Variants in ATXN8OS observed in about 807,000 individuals in gnomAD.
ATXN8OS encodes ATXN8 opposite strand lncRNA.
chr13:70,156,081 C>G (rs746298301), intron 4 of ATXN8OS, among the ~76,000 whole-genome samples: 20 of 151,908 alleles, frequency 1.3e-4, no homozygotes, highest in Non-Finnish European at 2.8e-4. Flanking sequence ...ACTTTATGAA[C>G]AGAAAGAAAT....
chr13:70,153,023 T>TGC (rs1888891059), intron 4 of ATXN8OS, among the ~76,000 whole-genome samples: 1 of 125,774 alleles, frequency 8.0e-6, no homozygotes, highest in African/African-American at 2.7e-5. Context: ...ACTGTGTGTG[T>TGC]GTGTGTGTGT....
intron 3 of ATXN8OS, among the ~76,000 whole-genome samples, chr13:70,136,954 C>T (rs1025673173): frequency 7.9e-5 from 12 of 152,024 alleles, no homozygotes; most frequent in Admixed American, 1.3e-4. Context: ...TGTTTAGTTG[C>T]GATACTGGCC....
intron 3 of ATXN8OS, among the ~76,000 whole-genome samples, chr13:70,145,764 G>A (rs1194007817): frequency 1.3e-5 from 2 of 151,934 alleles, no homozygotes; most frequent in Non-Finnish European, 2.9e-5. Flanking sequence ...GAGACAATGG[G>A]GTTTTCTAGA....
chr13:70,162,153 A>G (rs1167128660), intron 4 of ATXN8OS, among the ~76,000 whole-genome samples: 2 of 152,072 alleles, frequency 1.3e-5, no homozygotes, highest in African/African-American at 2.4e-5. Context: ...ATAACCTCTA[A>G]TAAGTACATA....
chr13:70,160,557 C>G (rs1028674476), intron 4 of ATXN8OS, among the ~76,000 whole-genome samples: 3 of 150,950 alleles, frequency 2.0e-5, no homozygotes, highest in Non-Finnish European at 4.4e-5. Context: ...AATAAATTGT[C>G]ATATTTTCAA....
At chr13:70,162,395 G>A (rs1889020158) in intron 4 of ATXN8OS, among the ~76,000 whole-genome samples, 1 of 152,124 alleles carries the variant, frequency 6.6e-6, no homozygotes, top group Admixed American at 6.6e-5. Flanking sequence ...CAGGCAGCCT[G>A]AACCAATCCC....
chr13:70,107,725 T>A (rs1888109041), upstream of ATXN8OS: 1 of 1,497,372 alleles, frequency 6.7e-7, no homozygotes, highest in Admixed American at 2.3e-5. Context: ...GGCAAAAGGC[T>A]GGCAGCTCAC....
intron 2 of ATXN8OS, among the ~76,000 whole-genome samples, chr13:70,123,982 T>C (rs1316805096): frequency 6.6e-6 from 1 of 152,122 alleles, no homozygotes; most frequent in East Asian, 1.9e-4. Flanking sequence ...CAAACAGGAT[T>C]GAATTTATTT....
intron 3 of ATXN8OS, among the ~76,000 whole-genome samples, chr13:70,143,427 CCTTATTATAAACCGATTTCT>C (rs1285444591): frequency 1.4e-4 from 22 of 152,142 alleles, no homozygotes; most frequent in African/African-American, 4.3e-4. Context: ...TAAATTAGTT[CCTTATTATAAACCGATTTCT>C]CTACCTCTGC....
At position 70,108,550 on chromosome 13, in the gene ATXN8OS, G is replaced by A. The variant is rs1000659867; in HGVS notation, n.240+531G>A. On this transcript the variant is annotated intron_variant and non_coding_transcript_variant, in intron 1 of 4. Transcript: ENST00000678624. ...AGATGGAGGGAGGGAGGGAGGGAGG[G>A]AAGGCTTCAATCTTCTTTATGCAAG... 3.3e-5 allele frequency: 5 copies of A among 149,736 alleles called. No homozygotes were observed. The South Asian group carries it at 1.1e-3, about 33-fold the overall frequency. 9.3% of individuals were successfully genotyped at this position (149,736 alleles called of 1,614,324 possible).
At chr13:70,130,091 T>A (rs1335702452) in intron 3 of ATXN8OS, among the ~76,000 whole-genome samples, 4 of 152,200 alleles carry the variant, frequency 2.6e-5, no homozygotes, top group Admixed American at 2.6e-4. Flanking sequence ...ATCTACTTGA[T>A]ATCTAAGCTT....
At chr13:70,129,846 T>C (rs934628874) in exon 3 of ATXN8OS, 7 of 398,282 alleles carry the variant, frequency 1.8e-5, no homozygotes, top group Non-Finnish European at 2.2e-5. Flanking sequence ...GAAGTTGAAG[T>C]GTTGAGAAGA....
At chr13:70,133,128 G>A (rs901919016) in intron 3 of ATXN8OS, among the ~76,000 whole-genome samples, 4 of 152,204 alleles carry the variant, frequency 2.6e-5, no homozygotes, top group African/African-American at 9.6e-5. Context: ...GAAGGTGCCT[G>A]GGCATGGAGG....
chr13:70,169,780 C>T (rs1467986960), exon 5 of ATXN8OS, among the ~76,000 whole-genome samples: 2 of 152,092 alleles, frequency 1.3e-5, no homozygotes, highest in Non-Finnish European at 2.9e-5. Flanking sequence ...GTTACAACAC[C>T]TTCCAGAGAT....
chr13:70,119,588 A>T (rs1235627434), intron 2 of ATXN8OS, among the ~76,000 whole-genome samples: 1 of 152,150 alleles, frequency 6.6e-6, no homozygotes, highest in Non-Finnish European at 1.5e-5. Flanking sequence ...ACAGTGAATA[A>T]TAAAAATCAA....
intron 3 of ATXN8OS, among the ~76,000 whole-genome samples, chr13:70,144,080 T>C (rs1375431800): frequency 6.6e-6 from 1 of 152,136 alleles, no homozygotes; most frequent in African/African-American, 2.4e-5. Context: ...TGGTGAAGCA[T>C]ATAATCCAGT....
chr13:70,120,742 T>TA (rs1423054596), intron 2 of ATXN8OS, among the ~76,000 whole-genome samples: 4 of 152,172 alleles, frequency 2.6e-5, no homozygotes, highest in African/African-American at 4.8e-5. Flanking sequence ...TATGCAGCCA[T>TA]AAAAAATGAT....
intron 2 of ATXN8OS, among the ~76,000 whole-genome samples, chr13:70,121,134 AAGATAAAAAATAGAATAAG>A (rs950703877): frequency 1.3e-5 from 2 of 152,170 alleles, no homozygotes; most frequent in African/African-American, 2.4e-5. Context: ...AAGGAGAGAA[AAGATAAAAAATAGAATAAG>A]AGATAGAAAA....
At chr13:70,123,849 T>C (rs984341881) in intron 2 of ATXN8OS, among the ~76,000 whole-genome samples, 1 of 152,134 alleles carries the variant, frequency 6.6e-6, no homozygotes, top group Admixed American at 6.6e-5. Context: ...GATCAGAATA[T>C]ATAAAGAATA....
Sources: gnomAD v4.1 joint callset for allele counts (sites outside exome capture counted in the v4.1 genomes callset) on GRCh38, gnomAD v4.1.1 for gene constraint, MANE v1.5 for transcripts, NCBI Gene and HGNC (gene_info 2026-07-23, HGNC 2026-07-21) for gene names.